RALYL: variants seen among roughly 807,000 people sequenced by gnomAD.
The protein encoded by RALYL is RNA-binding Raly-like protein.
A neutral mutation model predicts 35.1 loss-of-function variants in RALYL; 29 were observed. The observed-to-expected ratio is 0.83, with a 90% CI of 0.61 to 1.13. The LOEUF (loss-of-function observed/expected upper bound fraction) is 1.13. Among genes scored for constraint, RALYL ranks in the 50% most tolerant of loss-of-function variants. The pLI is 0.00. For missense variants in RALYL, 359 were observed against 360.4 expected (o/e 1.00, Z 0.03); for synonymous variants, 120 against 127.6 (o/e 0.94, Z 0.40).
At chr8:84,661,116 G>C (rs1315929941) in intron 2 of RALYL, among the ~76,000 whole-genome samples, 1 of 151,854 alleles carries the variant, frequency 6.6e-6, no homozygotes, top group African/African-American at 2.4e-5. Context: ...TTTTAGTAGA[G>C]ACGGGGTTTC....
At chr8:84,655,054 A>G (rs2131583328) in intron 2 of RALYL, among the ~76,000 whole-genome samples, 1 of 152,150 alleles carries the variant, frequency 6.6e-6, no homozygotes, top group Non-Finnish European at 1.5e-5. Flanking sequence ...TTATATTCTC[A>G]CCAACAGTGC....
chr8:84,749,235 A>G (rs1014630191), intron 2 of RALYL, among the ~76,000 whole-genome samples: 2 of 152,102 alleles, frequency 1.3e-5, no homozygotes, highest in African/African-American at 2.4e-5. Flanking sequence ...CAGCCTAAAC[A>G]CTGTTATTGT....
chr8:84,484,737 CA>C (rs1385711753), intron 1 of RALYL, among the ~76,000 whole-genome samples: 3 of 152,104 alleles, frequency 2.0e-5, no homozygotes, highest in Non-Finnish European at 4.4e-5. Flanking sequence ...AACAACCTCA[CA>C]AAAACAATTA....
chr8:84,749,013 G>A (rs1225502675), intron 2 of RALYL, among the ~76,000 whole-genome samples: 3 of 152,024 alleles, frequency 2.0e-5, no homozygotes, highest in Non-Finnish European at 2.9e-5. Flanking sequence ...AGAATTTTCT[G>A]TAATGGCAGC....
intron 2 of RALYL, among the ~76,000 whole-genome samples, chr8:84,588,212 G>A (rs191965989): frequency 1.4e-4 from 21 of 152,268 alleles, no homozygotes; most frequent in African/African-American, 4.8e-4. Flanking sequence ...TACCTAGGTT[G>A]TTAAATTAAG....
At chr8:84,257,978 TA>T (rs1831509016) in intron 1 of RALYL, among the ~76,000 whole-genome samples, 2 of 152,230 alleles carry the variant, frequency 1.3e-5, no homozygotes, top group East Asian at 1.9e-4. Flanking sequence ...CAAATAGAAA[TA>T]AAAAAGGAGT....
intron 2 of RALYL, among the ~76,000 whole-genome samples, chr8:84,552,358 ATTTTTTTTTTTTTT>A (rs1167949176): frequency 6.5e-5 from 2 of 30,614 alleles, no homozygotes; most frequent in Non-Finnish European, 1.2e-4. Flanking sequence ...ATATATATAT[ATTTTTTTTTTTTTT>A]TTTTTTTTTT....
chr8:84,216,331 T>C (rs1035553863), intron 1 of RALYL, among the ~76,000 whole-genome samples: 1 of 152,074 alleles, frequency 6.6e-6, no homozygotes, highest in East Asian at 1.9e-4. Context: ...CATGAAGAAA[T>C]ATAATATTAT....
chr8:84,455,348 AT>A (rs1464204513), intron 1 of RALYL, among the ~76,000 whole-genome samples: 4 of 151,990 alleles, frequency 2.6e-5, no homozygotes, highest in South Asian at 4.1e-4. Context: ...AAGTGGCATT[AT>A]TTTTTTCCAA....
chr8:84,605,900 T>C (rs1421789802), intron 2 of RALYL, among the ~76,000 whole-genome samples: 1 of 152,056 alleles, frequency 6.6e-6, no homozygotes, highest in Non-Finnish European at 1.5e-5. Context: ...TGCCCCTGCT[T>C]CCAGGTTAAA....
At chr8:84,525,971 T>C (rs2058860429) in intron 1 of RALYL, among the ~76,000 whole-genome samples, 1 of 110,966 alleles carries the variant, frequency 9.0e-6, no homozygotes. Flanking sequence ...TTTTTTTTTT[T>C]TTTTGAGACA....
intron 1 of RALYL, among the ~76,000 whole-genome samples, chr8:84,320,774 G>C (rs1430603663): frequency 6.6e-6 from 1 of 152,022 alleles, no homozygotes; most frequent in Admixed American, 6.6e-5. Context: ...AAATAAAGTA[G>C]AGTTAGAGAA....
chr8:84,442,561 T>A (rs916028657), intron 1 of RALYL, among the ~76,000 whole-genome samples: 1 of 152,122 alleles, frequency 6.6e-6, no homozygotes, highest in Non-Finnish European at 1.5e-5. Flanking sequence ...GATGGGATAG[T>A]TTCCATGAGA....
chr8:84,226,839 T>C (rs919758392), intron 1 of RALYL, among the ~76,000 whole-genome samples: 1 of 152,136 alleles, frequency 6.6e-6, no homozygotes, highest in Non-Finnish European at 1.5e-5. Flanking sequence ...GTGACCTCCT[T>C]CCAGGACAGG....
At chr8:84,390,843 C>T (rs917774780) in intron 1 of RALYL, among the ~76,000 whole-genome samples, 1 of 151,934 alleles carries the variant, frequency 6.6e-6, no homozygotes, top group African/African-American at 2.4e-5. Context: ...CCACTGTCTC[C>T]TCTCCTTGTT....
At chr8:84,459,056 CAAG>C (rs1472782396) in intron 1 of RALYL, among the ~76,000 whole-genome samples, 3 of 151,424 alleles carry the variant, frequency 2.0e-5, no homozygotes, top group Non-Finnish European at 4.4e-5. Context: ...CATAATGTGA[CAAG>C]AAGTAAAAAT....
At chr8:84,441,300 AC>A (rs1244623081) in intron 1 of RALYL, among the ~76,000 whole-genome samples, 4 of 152,090 alleles carry the variant, frequency 2.6e-5, no homozygotes, top group African/African-American at 9.7e-5. Flanking sequence ...TAAATAAGAA[AC>A]GGTTTCTGAT....
intron 1 of RALYL, among the ~76,000 whole-genome samples, chr8:84,353,996 C>G (rs1851387486): frequency 6.7e-6 from 1 of 149,616 alleles, no homozygotes; most frequent in Non-Finnish European, 1.5e-5. Flanking sequence ...GTCAATGACT[C>G]ACAGTGACAA....
At chr8:84,559,525 C>G (rs1588174519) in intron 2 of RALYL, among the ~76,000 whole-genome samples, 1 of 152,022 alleles carries the variant, frequency 6.6e-6, no homozygotes, top group Middle Eastern at 3.4e-3. Flanking sequence ...AAATTAAATT[C>G]ACATTTCATG....
Sources: allele counts gnomAD v4.1 joint callset (sites outside exome capture counted in the v4.1 genomes callset), GRCh38; gene constraint gnomAD v4.1.1; transcripts MANE v1.5; gene names NCBI Gene and HGNC (gene_info 2026-07-23, HGNC 2026-07-21).